Variants in LDLRAP1 observed in about 807,000 individuals in gnomAD.
LDLRAP1 encodes low density lipoprotein receptor adapter protein 1.
Under a neutral mutation model 37.8 loss-of-function variants are expected in LDLRAP1, and 30 were observed. That is an observed-to-expected ratio of 0.79 (90% confidence interval 0.59 to 1.08). The LOEUF is 1.08. LDLRAP1 is among the 50% of genes least tolerant of loss of function. The pLI is 0.00. For missense variants in LDLRAP1, 375 were observed against 401.6 expected, an observed-to-expected ratio of 0.93 and a Z score of 0.57; for synonymous variants, 156 against 169.8, an observed-to-expected ratio of 0.92 and a Z score of 0.63.
downstream of LDLRAP1, among the ~76,000 whole-genome samples, chr1:25,569,439 A>G (rs564019051): frequency 4.6e-5 from 7 of 152,230 alleles, no homozygotes; most frequent in African/African-American, 4.8e-5. Flanking sequence ...TGAGAGACTC[A>G]GGGTCTAGCC....
chr1:25,579,721 C>T, the LDLRAP1 span, among the ~76,000 whole-genome samples: 4 of 152,202 alleles, frequency 2.6e-5, no homozygotes, highest in African/African-American at 4.8e-5. Context: ...CTCAGACCCT[C>T]GAAGCTCTGC....
intron 4 of LDLRAP1, among the ~76,000 whole-genome samples, chr1:25,558,104 G>A (rs921893460): frequency 2.0e-5 from 3 of 152,120 alleles, no homozygotes; most frequent in Admixed American, 6.5e-5. Context: ...CCTGAATTTG[G>A]GGGCAAGAAG....
intron 5 of LDLRAP1, 65 bp from the exon 6 acceptor site, chr1:25,563,005 C>T (rs541336811): frequency 6.7e-5 from 98 of 1,471,776 alleles, no homozygotes; most frequent in Admixed American, 3.7e-4. Flanking sequence ...CACCCCTGCC[C>T]GGTGATTGCT....
chr1:25,569,276 G>A (rs1195903121), downstream of LDLRAP1, among the ~76,000 whole-genome samples: 1 of 152,186 alleles, frequency 6.6e-6, no homozygotes, highest in African/African-American at 2.4e-5. Context: ...TTTTGGATCC[G>A]CAACACTTTA....
downstream of LDLRAP1, among the ~76,000 whole-genome samples, chr1:25,571,866 C>G (rs2044608412): frequency 1.3e-5 from 2 of 152,224 alleles, no homozygotes; most frequent in Non-Finnish European, 2.9e-5. Context: ...GACAGCAATT[C>G]TGACTGCACC....
intron 1 of LDLRAP1, among the ~76,000 whole-genome samples, chr1:25,546,478 C>G (rs1045661355): frequency 8.5e-5 from 13 of 152,198 alleles, no homozygotes; most frequent in Non-Finnish European, 8.8e-5. Flanking sequence ...AAAGAGGGCT[C>G]TCTTCCTCTC....
At chr1:25,565,360 A>G (rs1173354823) in intron 8 of LDLRAP1, among the ~76,000 whole-genome samples, 153 bp downstream of exon 8, 2 of 152,180 alleles carry the variant, frequency 1.3e-5, no homozygotes, top group Non-Finnish European at 2.9e-5. Flanking sequence ...AAATGCTTCC[A>G]GGGGCAGGGA....
At chr1:25,556,243 C>T (rs937487775) in intron 3 of LDLRAP1, among the ~76,000 whole-genome samples, 15 of 152,108 alleles carry the variant, frequency 9.9e-5, no homozygotes, top group African/African-American at 2.7e-4. Flanking sequence ...TCTGGGCTAC[C>T]GGCCCCTCCC....
Position 25,567,176 on chromosome 1 carries a change from T to A in LDLRAP1, c.*184T>A. ...TTTTTCTTTTAAGCCCTGCTCTTTC[T>A]CTGAGAACCAAAAGATGCCTTGAAT... On this transcript the variant is annotated 3_prime_UTR_variant, in exon 9 of 9. Transcript: ENST00000374338. 3 of 690,714 alleles carry A rather than the reference T, an allele frequency of 4.3e-6. No homozygotes were observed. Among genetic ancestry groups the A allele is most frequent in the Non-Finnish European group, 7.5e-6 (3 of 401,316 alleles). 42.8% of individuals were successfully genotyped at this position (690,714 alleles called of 1,614,324 possible).
At position 25,554,414 on chromosome 1, in the gene LDLRAP1, G is replaced by T. The variant is rs891214581; in HGVS notation, c.231+350G>T. Among the ~76,000 whole-genome samples, 6 of 152,220 alleles carry T rather than the reference G, an allele frequency of 3.9e-5. No individual in the cohort carries two copies. Among genetic ancestry groups the T allele is most frequent in the Non-Finnish European group, 8.8e-5 (6 of 68,032 alleles). On this transcript the variant is annotated intron_variant, in intron 2 of 8. Transcript: ENST00000374338. This position sits in a 1 kb window ranked among gnomAD's most constrained non-coding sequence, Gnocchi z 5.4. ...GAGAGACAGCATAGCCCATCAGAGA[G>T]CAGATTGCCCCCTCCCTAACTTTGA...
At chr1:25,553,814 C>G in intron 1 of LDLRAP1, 108 bp from the exon 2 acceptor site, 1 of 1,311,310 alleles carries the variant, frequency 7.6e-7, no homozygotes, top group East Asian at 2.5e-5. Context: ...GTGGGGGAGA[C>G]CCCCATCCCC....
At chr1:25,582,383 G>T in the LDLRAP1 span, among the ~76,000 whole-genome samples, 1 of 152,130 alleles carries the variant, frequency 6.6e-6, no homozygotes, top group East Asian at 1.9e-4. Flanking sequence ...TATGGAGATC[G>T]AGACCATCCT....
chr1:25,567,030 G>A lies in LDLRAP1; in HGVS notation c.*38G>A, dbSNP rs771803874. 2.5e-5 allele frequency: 41 copies of A among 1,612,428 alleles called. No homozygotes were observed. Among genetic ancestry groups the A allele is most frequent in the Admixed American group, 1.7e-4 (10 of 59,986 alleles). On this transcript the variant is annotated 3_prime_UTR_variant, in exon 9 of 9. Coordinates refer to ENST00000374338, the MANE Select transcript of LDLRAP1 (RefSeq NM_015627.3). The stretch of plus-strand genomic sequence containing the variant: ...AGCCGGACACAAGCGGCCCTGACAC[G>A]TGATGGACCAAAGCCACCTGCTGCG...
At chr1:25,590,013 G>A in the LDLRAP1 span, among the ~76,000 whole-genome samples, 2 of 152,252 alleles carry the variant, frequency 1.3e-5, no homozygotes, top group Non-Finnish European at 2.9e-5. Context: ...TGAGGCAGGC[G>A]AATCACTTGA....
At chr1:25,585,470 T>C in the LDLRAP1 span, among the ~76,000 whole-genome samples, 4 of 152,022 alleles carry the variant, frequency 2.6e-5, no homozygotes, top group Non-Finnish European at 5.9e-5. Context: ...GGACTACAGG[T>C]GCCTGCCACC....
At chr1:25,560,329 G>A (rs2044313723) in intron 4 of LDLRAP1, among the ~76,000 whole-genome samples, 1 of 152,062 alleles carries the variant, frequency 6.6e-6, no homozygotes, top group Non-Finnish European at 1.5e-5. Flanking sequence ...ATGAGTTCAT[G>A]ACCCATTGAG....
chr1:25,563,118 G>A lies in LDLRAP1; in HGVS notation c.581G>A (p.Gly194Glu). 1 of 1,614,056 alleles carries A rather than the reference G, an allele frequency of 6.2e-7. No homozygotes were observed. Among genetic ancestry groups the A allele is most frequent in the Non-Finnish European group, 8.5e-7 (1 of 1,179,994 alleles). ...KASQEGGDVL[G>E]ARQDCTPSLK... ...AGCCAAGAGGGAGGGGACGTCCTGGGGGCCCGCCAAGACTGCACCCCCTCC... is the reference window on the plus strand; with the variant it reads ...AGCCAAGAGGGAGGGGACGTCCTGGAGGCCCGCCAAGACTGCACCCCCTCC... Residue 194 changes from glycine (G) to glutamate (E), a missense_variant, in exon 6 of 9, where the codon GGG becomes GAG. Physicochemically the swap from Gly to Glu is moderately conservative, Grantham distance 98. Coordinates refer to ENST00000374338, the MANE Select transcript of LDLRAP1 (RefSeq NM_015627.3).
At position 25,567,208 on chromosome 1, in the gene LDLRAP1, T is replaced by C. The variant is rs1572061162; in HGVS notation, c.*216T>C. ...ACCAAAAGATGCCTTGAATATTTAT[T>C]CAGTGACTTCTGGCTTATGCTCAGA... On this transcript the variant is annotated 3_prime_UTR_variant, in exon 9 of 9. Transcript: ENST00000374338. The C allele has an allele frequency of 9.6e-6, 6 of 622,292 alleles. No individual in the cohort carries two copies. The East Asian group carries it at 1.7e-4, about 18-fold the overall frequency. The allele number at this position is 622,292 out of a possible 1,614,324, so 38.5% of individuals were successfully genotyped here. A position where few individuals can be genotyped will look rare whatever the true frequency, so the allele number is the denominator to read the frequency against.
At chr1:25,577,485 CCAGA>C in the LDLRAP1 span, among the ~76,000 whole-genome samples, 4 of 152,146 alleles carry the variant, frequency 2.6e-5, no homozygotes, top group South Asian at 4.2e-4. Flanking sequence ...AGACGAGGAG[CCAGA>C]CAGTTACCAC....
Sources: gnomAD v4.1 joint callset for allele counts (sites outside exome capture counted in the v4.1 genomes callset) on GRCh38, gnomAD v4.1.1 for gene constraint, Gnocchi (gnomAD v3.1) non-coding constraint, MANE v1.5 for transcripts, NCBI Gene and HGNC (gene_info 2026-07-23, HGNC 2026-07-21) for gene names.